CDYL: variants seen among roughly 807,000 people sequenced by gnomAD.
CDYL encodes chromodomain Y like, also known as chromodomain Y-like protein.
CDYL carries 8 observed loss-of-function variants against 47.3 expected under a neutral mutation model. The observed-to-expected ratio is 0.17, with a 90% CI of 0.10 to 0.31. The LOEUF (loss-of-function observed/expected upper bound fraction) is 0.31, where lower values mean the gene tolerates loss of function less well. Ranked by LOEUF, CDYL falls within the 10% of genes least tolerant of loss-of-function variation. CDYL has a pLI of 1.00. For missense variants in CDYL, 471 were observed against 701.4 expected, an observed-to-expected ratio of 0.67 and a Z score of 3.71; for synonymous variants, 266 against 265.0, an observed-to-expected ratio of 1.00 and a Z score of -0.04.
intron 3 of CDYL, among the ~76,000 whole-genome samples, chr6:4,751,265 C>G (rs189954626): frequency 6.6e-6 from 1 of 152,132 alleles, no homozygotes; most frequent in Non-Finnish European, 1.5e-5. Flanking sequence ...AAACTGTGGT[C>G]CCTGGAGTCG....
chr6:4,749,142 A>T (rs978790483), intron 3 of CDYL, among the ~76,000 whole-genome samples: 5 of 152,238 alleles, frequency 3.3e-5, no homozygotes, highest in African/African-American at 1.2e-4. Flanking sequence ...TGGGGGGAAA[A>T]AGTCTGTTTT....
intron 1 of CDYL, among the ~76,000 whole-genome samples, chr6:4,712,584 G>C (rs1757171387): frequency 6.6e-6 from 1 of 152,224 alleles, no homozygotes; most frequent in East Asian, 1.9e-4. Context: ...GCTGCGGATG[G>C]TGGGTACTCT....
At chr6:4,811,896 C>T (rs1449346631) in intron 1 of CDYL, among the ~76,000 whole-genome samples, 1 of 152,178 alleles carries the variant, frequency 6.6e-6, no homozygotes, top group Non-Finnish European at 1.5e-5. Context: ...TTGTCTTCCA[C>T]CCTCTTCCCC....
chr6:4,873,095 G>A (rs531071761), intron 1 of CDYL, among the ~76,000 whole-genome samples: 52 of 152,274 alleles, frequency 3.4e-4, no homozygotes, highest in Middle Eastern at 3.4e-3. Flanking sequence ...CACATATATA[G>A]ACATGATTCA....
intron 1 of CDYL, among the ~76,000 whole-genome samples, chr6:4,883,997 T>C (rs1761833210): frequency 6.6e-6 from 1 of 152,178 alleles, no homozygotes; most frequent in South Asian, 2.1e-4. Context: ...ACTCACCATG[T>C]GTGTGCATCC....
intron 1 of CDYL, among the ~76,000 whole-genome samples, chr6:4,785,703 A>G (rs540287128): frequency 6.0e-4 from 92 of 152,350 alleles, no homozygotes; most frequent in African/African-American, 2.2e-3. Context: ...CCCCATGCAC[A>G]CTGGACAACA....
intron 3 of CDYL, among the ~76,000 whole-genome samples, chr6:4,769,109 C>T (rs755080716): frequency 5.9e-5 from 9 of 152,014 alleles, no homozygotes; most frequent in East Asian, 1.9e-4. Context: ...GGTAATGCGG[C>T]GTCACAGATG....
In CDYL at chr6:4,953,926, G is replaced by A. The variant is rs1217639395; in HGVS notation, c.1505G>A (p.Arg502His). Residue 502 changes from arginine (R) to histidine (H), a missense_variant, in exon 7 of 7, where the codon CGC (arginine) becomes CAC (histidine). Arg to His is a conservative substitution (Grantham distance 29). This residue lies in a region of CDYL where 57 missense variants were observed against 74.3 expected (regional missense o/e 0.77). Coordinates refer to ENST00000397588, the MANE Select transcript of CDYL (RefSeq NM_004824.4). ...VVLEESKALV[R>H]CNMKMELEQA... Reference sequence around the variant, plus strand: ...CTTGAGGAATCCAAAGCCCTCGTGCGCTGCAACATGAAGATGGAGCTGGAG... The same window carrying A: ...CTTGAGGAATCCAAAGCCCTCGTGCACTGCAACATGAAGATGGAGCTGGAG... The A allele has an allele frequency of 6.2e-6, 10 of 1,613,634 alleles. No homozygotes were observed. Among genetic ancestry groups the A allele is most frequent in the Non-Finnish European group, 8.5e-6 (10 of 1,179,928 alleles).
intron 2 of CDYL, among the ~76,000 whole-genome samples, chr6:4,933,731 G>A (rs1758100266): frequency 6.6e-6 from 1 of 152,192 alleles, no homozygotes; most frequent in East Asian, 1.9e-4. Context: ...GGTAACATCC[G>A]ACCCAGTGGT....
chr6:4,785,121 A>T (rs1758721375), intron 1 of CDYL, among the ~76,000 whole-genome samples: 1 of 152,244 alleles, frequency 6.6e-6, no homozygotes. Context: ...TACAGTGTTC[A>T]GTACAGTAAC....
chr6:4,795,568 A>G (rs1759047872), intron 1 of CDYL, among the ~76,000 whole-genome samples: 1 of 152,086 alleles, frequency 6.6e-6, no homozygotes, highest in Non-Finnish European at 1.5e-5. Context: ...TTGATTTATG[A>G]GTACTATTTC....
rs1371422814 is a variant in CDYL, at chr6:4,955,016, A to G, written c.*960A>G. ...TAATTTTTAGGTTCACTTAGAATATATTTTATTTAATAAGTTAAAATTCTT... is the reference window on the plus strand; with the variant it reads ...TAATTTTTAGGTTCACTTAGAATATGTTTTATTTAATAAGTTAAAATTCTT... On this transcript the variant is annotated 3_prime_UTR_variant, in exon 7 of 7. Coordinates refer to ENST00000397588, the MANE Select transcript of CDYL (RefSeq NM_004824.4). 6.6e-6 allele frequency: 1 copy of G among 152,590 alleles called. No individual in the cohort carries two copies. Among genetic ancestry groups the G allele is most frequent in the East Asian group, 1.9e-4 (1 of 5,206 alleles). 9.5% of individuals were successfully genotyped at this position (152,590 alleles called of 1,614,324 possible).
chr6:4,714,014 CAGG>C (rs1421683726), intron 1 of CDYL: 2 of 152,262 alleles, frequency 1.3e-5, no homozygotes, highest in African/African-American at 4.8e-5. Flanking sequence ...TGCCGTGTGC[CAGG>C]AGTTTTGTAG....
chr6:4,821,309 A>T (rs1581189220), intron 1 of CDYL, among the ~76,000 whole-genome samples: 2 of 113,256 alleles, frequency 1.8e-5, no homozygotes. Context: ...TCTCACTCTC[A>T]CTCTGTCGCC....
chr6:4,947,673 C>G (rs193232865), intron 5 of CDYL, among the ~76,000 whole-genome samples: 1 of 152,276 alleles, frequency 6.6e-6, no homozygotes, highest in Non-Finnish European at 1.5e-5. Flanking sequence ...TCTGTCCACT[C>G]CCCTCGTCAC....
chr6:4,760,520 T>G (rs1758159044), intron 3 of CDYL, among the ~76,000 whole-genome samples: 1 of 151,954 alleles, frequency 6.6e-6, no homozygotes, highest in Admixed American at 6.6e-5. Flanking sequence ...CAGAAAAGAG[T>G]TTGCCTCATT....
chr6:4,709,516 C>T (rs1187065044), intron 1 of CDYL, among the ~76,000 whole-genome samples: 2 of 152,086 alleles, frequency 1.3e-5, no homozygotes, highest in Non-Finnish European at 1.5e-5. Flanking sequence ...ATTTTTATGG[C>T]TTCTCTTACA....
At chr6:4,744,359 G>A (rs185600219) in intron 3 of CDYL, among the ~76,000 whole-genome samples, 1 of 152,266 alleles carries the variant, frequency 6.6e-6, no homozygotes, top group African/African-American at 2.4e-5. Context: ...CAGACGTGTG[G>A]TGCTGCATGC....
chr6:4,858,411 A>C (rs916629494), intron 1 of CDYL, among the ~76,000 whole-genome samples: 3 of 152,172 alleles, frequency 2.0e-5, no homozygotes, highest in Admixed American at 2.0e-4. Flanking sequence ...TTCACACCCA[A>C]ACACTTCCAC....
Sources: allele counts gnomAD v4.1 joint callset (sites outside exome capture counted in the v4.1 genomes callset), GRCh38; gene constraint gnomAD v4.1.1; regional missense constraint gnomAD v4.1.1; transcripts MANE v1.5; gene names NCBI Gene and HGNC (gene_info 2026-07-23, HGNC 2026-07-21).